Variants in PPM1B observed in about 807,000 individuals in gnomAD.
PPM1B encodes the protein protein phosphatase 1B.
A neutral mutation model predicts 43.0 loss-of-function variants in PPM1B; 22 were observed. The ratio of observed to expected loss-of-function variants is 0.51; its 90% CI spans 0.37 to 0.73. The LOEUF (loss-of-function observed/expected upper bound fraction) is 0.73, where lower values mean the gene tolerates loss of function less well. PPM1B is among the 30% of genes least tolerant of loss of function. The pLI is 0.00. For synonymous variants in PPM1B, 217 were observed against 197.9 expected, an observed-to-expected ratio of 1.10 and a Z score of -0.81; for missense variants, 632 against 584.2, an observed-to-expected ratio of 1.08 and a Z score of -0.84.
intron 1 of PPM1B, among the ~76,000 whole-genome samples, chr2:44,177,915 C>CT (rs746113686): frequency 0.063 from 6,743 of 106,238 alleles, 605 homozygotes; most frequent in African/African-American, 0.21. Flanking sequence ...TAGAACAGTT[C>CT]TTTTTTTTTT....
chr2:44,234,577 G>A (rs1340257938), downstream of PPM1B: 2 of 984,728 alleles, frequency 2.0e-6, no homozygotes, highest in East Asian at 2.3e-4. Context: ...GGGGGTTACT[G>A]GTGCTTGAAA....
At chr2:44,207,397 C>T (rs1304304734) in intron 2 of PPM1B, among the ~76,000 whole-genome samples, 1 of 152,120 alleles carries the variant, frequency 6.6e-6, no homozygotes, top group African/African-American at 2.4e-5. Flanking sequence ...CCTCCACTGA[C>T]TTTGTTTTTT....
rs79848099 is a variant in PPM1B at position 44,186,919 on chromosome 2, C to A, written c.-14-14267C>A. Among the ~76,000 whole-genome samples the A allele has an allele frequency of 4.2e-3, 645 of 152,288 alleles. 4 individuals carry two copies. The highest frequency in any genetic ancestry group is 0.015 in the African/African-American group (613 of 41,550). The stretch of plus-strand genomic sequence containing the variant: ...ACATAATACAACATAACCATCTTAA[C>A]CATTTTTAAGTGTACAGTTCCTATC... On this transcript the variant is annotated intron_variant, in intron 1 of 5. Coordinates refer to ENST00000282412, the MANE Select transcript of PPM1B (RefSeq NM_002706.6).
At chr2:44,230,079 CAT>C (rs1271252126) in intron 5 of PPM1B, 2 of 1,534,044 alleles carry the variant, frequency 1.3e-6, no homozygotes, top group African/African-American at 2.8e-5. Flanking sequence ...TGTACTAAAT[CAT>C]ATAGCCAAAT....
downstream of PPM1B, chr2:44,234,057 AAC>A: frequency 1.0e-6 from 1 of 971,312 alleles, no homozygotes; most frequent in Non-Finnish European, 1.2e-6. Context: ...AATTGATAAA[AAC>A]AGTGTGACAT....
chr2:44,243,415 C>G (rs1174744983), intron 5 of PPM1B, among the ~76,000 whole-genome samples: 1 of 152,116 alleles, frequency 6.6e-6, no homozygotes, highest in East Asian at 1.9e-4. Context: ...TCAGAATTTT[C>G]TTTAACAGTT....
intron 1 of PPM1B, among the ~76,000 whole-genome samples, chr2:44,170,109 T>C (rs1256924497): frequency 6.6e-6 from 1 of 152,258 alleles, no homozygotes; most frequent in East Asian, 1.9e-4. Flanking sequence ...TTCTTCATTT[T>C]TTAAACTTGC....
chr2:44,203,590 A>G (rs1304898128), intron 2 of PPM1B, among the ~76,000 whole-genome samples: 3 of 152,132 alleles, frequency 2.0e-5, no homozygotes, highest in African/African-American at 7.2e-5. Context: ...GTTGTGGTGT[A>G]TATTGTTCCA....
intron 1 of PPM1B, among the ~76,000 whole-genome samples, chr2:44,169,516 A>T (rs1665346897): frequency 6.6e-6 from 1 of 152,220 alleles, no homozygotes; most frequent in African/African-American, 2.4e-5. Context: ...GGAGAGGCGC[A>T]GGGAGAGAAT....
At chr2:44,173,837 C>T (rs916825613) in intron 1 of PPM1B, among the ~76,000 whole-genome samples, 1 of 152,034 alleles carries the variant, frequency 6.6e-6, no homozygotes, top group Non-Finnish European at 1.5e-5. Flanking sequence ...CCAGCTACCC[C>T]GGAGGCTGTG....
At chr2:44,191,778 T>C (rs1668415286) in intron 1 of PPM1B, among the ~76,000 whole-genome samples, 1 of 152,184 alleles carries the variant, frequency 6.6e-6, no homozygotes, top group Non-Finnish European at 1.5e-5. Flanking sequence ...TCTGGAGATT[T>C]CTCATGCTGT....
At chr2:44,204,087 C>G (rs905148499) in intron 2 of PPM1B, among the ~76,000 whole-genome samples, 1 of 152,158 alleles carries the variant, frequency 6.6e-6, no homozygotes, top group African/African-American at 2.4e-5. Context: ...TTAATGGAAG[C>G]TGACCATCAT....
chr2:44,206,656 C>G (rs17579463), intron 2 of PPM1B, among the ~76,000 whole-genome samples: 15,795 of 150,164 alleles, frequency 0.11, 936 homozygotes, highest in East Asian at 0.29. Flanking sequence ...AATTAGATTT[C>G]TAAAAGTGTA....
chr2:44,180,255 C>A (rs182403202), intron 1 of PPM1B, among the ~76,000 whole-genome samples: 7 of 152,178 alleles, frequency 4.6e-5, no homozygotes, highest in African/African-American at 1.7e-4. Context: ...GAAGAGTTGG[C>A]TGAATGGATC....
chr2:44,197,118 G>C (rs933314434), intron 1 of PPM1B, among the ~76,000 whole-genome samples: 1 of 151,960 alleles, frequency 6.6e-6, no homozygotes, highest in East Asian at 1.9e-4. Context: ...TTCCACTAAC[G>C]TTAACTTTTT....
At chr2:44,209,161 G>A (rs1558415300) in intron 2 of PPM1B, 49 bp from the exon 3 acceptor site, 1 of 1,437,024 alleles carries the variant, frequency 7.0e-7, no homozygotes, top group Non-Finnish European at 9.4e-7. Flanking sequence ...GTAAATAATA[G>A]TTGATTGTAG....
At chr2:44,222,852 A>T (rs1294503191) in intron 5 of PPM1B, among the ~76,000 whole-genome samples, 1 of 152,174 alleles carries the variant, frequency 6.6e-6, no homozygotes, top group African/African-American at 2.4e-5. Context: ...ATTGATTGAG[A>T]CAGGGTCTCA....
chr2:44,221,859 A>G (rs1669991305), intron 5 of PPM1B, among the ~76,000 whole-genome samples: 1 of 152,122 alleles, frequency 6.6e-6, no homozygotes, highest in African/African-American at 2.4e-5. Context: ...AAAGGTTACT[A>G]TTTAGGGGAA....
chr2:44,179,322 T>C (rs965286624), intron 1 of PPM1B, among the ~76,000 whole-genome samples: 3 of 152,228 alleles, frequency 2.0e-5, no homozygotes, highest in Non-Finnish European at 4.4e-5. Context: ...GAAAAAGTAC[T>C]AATAAATTAA....
Sources: allele counts gnomAD v4.1 joint callset (sites outside exome capture counted in the v4.1 genomes callset), GRCh38; gene constraint gnomAD v4.1.1; transcripts MANE v1.5; gene names NCBI Gene and HGNC (gene_info 2026-07-23, HGNC 2026-07-21).